The following ZNF609 variants were observed in gnomAD, a reference collection of about 807,000 sequenced individuals.
The protein encoded by ZNF609 is zinc finger protein 609.
ZNF609 carries 11 observed loss-of-function variants against 109.5 expected under a neutral mutation model. That is an observed-to-expected ratio of 0.10 (90% CI 0.06 to 0.17). ZNF609 has a LOEUF of 0.17. Among genes scored for constraint, ZNF609 ranks in the 10% least tolerant of loss-of-function variants. The probability of loss-of-function intolerance (pLI) is 1.00; values close to 1 mark genes in which losing one functional copy is unlikely to be tolerated. For missense variants in ZNF609, 1,559 were observed against 1,772.4 expected (o/e 0.88, Z 2.16); for synonymous variants, 646 against 662.0 (o/e 0.98, Z 0.37).
At chr15:64,472,769 C>T (rs1270698374) in intron 1 of ZNF609, among the ~76,000 whole-genome samples, 1 of 152,032 alleles carries the variant, frequency 6.6e-6, no homozygotes, top group Non-Finnish European at 1.5e-5. Context: ...ATCACTTGAG[C>T]TTGGGAGGTT....
chr15:64,592,870 G>A (rs893944815), intron 2 of ZNF609: 14 of 608,054 alleles, frequency 2.3e-5, no homozygotes, highest in Non-Finnish European at 3.2e-5. Flanking sequence ...CTGGGATCGC[G>A]CCACTGCACC....
chr15:64,592,433 C>T (rs987471702), intron 2 of ZNF609, among the ~76,000 whole-genome samples: 1 of 151,978 alleles, frequency 6.6e-6, no homozygotes, highest in African/African-American at 2.4e-5. Context: ...GAAAATTTAG[C>T]CAGCTCTGGT....
At chr15:64,596,570 C>T (rs1895402417) in intron 2 of ZNF609, among the ~76,000 whole-genome samples, 1 of 152,162 alleles carries the variant, frequency 6.6e-6, no homozygotes, top group Admixed American at 6.6e-5. Context: ...AGTTTAAATC[C>T]AGCCTTAGAG....
At chr15:64,528,920 G>GT in intron 2 of ZNF609, 1 of 1,185,918 alleles carries the variant, frequency 8.4e-7, no homozygotes, top group East Asian at 2.4e-5. Flanking sequence ...ATATTGGCAG[G>GT]TTTTTCCAGA....
intron 2 of ZNF609, among the ~76,000 whole-genome samples, chr15:64,616,812 CTTTTTTTTTTTTT>C (rs56338576): frequency 6.1e-5 from 2 of 32,832 alleles, no homozygotes; most frequent in Non-Finnish European, 9.6e-5. Context: ...AGCCACCATG[CTTTTTTTTTTTTT>C]TTTTTTTTTT....
At chr15:64,479,332 C>T (rs1893216779) in intron 1 of ZNF609, among the ~76,000 whole-genome samples, 1 of 109,154 alleles carries the variant, frequency 9.2e-6, no homozygotes, top group African/African-American at 3.6e-5. Context: ...CGCCCTGTTG[C>T]CCAGGCTGGA....
chr15:64,536,950 C>T (rs1383347103), intron 2 of ZNF609, among the ~76,000 whole-genome samples: 11 of 143,442 alleles, frequency 7.7e-5, no homozygotes, highest in South Asian at 2.2e-4. Context: ...AGGCCGGGCA[C>T]GGTGGCTCAC....
intron 2 of ZNF609, among the ~76,000 whole-genome samples, chr15:64,508,684 A>ATTTT (rs1160116983): frequency 2.3e-5 from 3 of 130,522 alleles, no homozygotes; most frequent in Non-Finnish European, 3.3e-5. Context: ...GACCCAGAAA[A>ATTTT]TTTTTTTTTT....
intron 1 of ZNF609, among the ~76,000 whole-genome samples, chr15:64,472,697 C>CA (rs1318470427): frequency 6.6e-6 from 1 of 152,148 alleles, no homozygotes; most frequent in Non-Finnish European, 1.5e-5. Context: ...CCCATCTCTA[C>CA]AAAAAATTTG....
chr15:64,674,796 A>G lies in ZNF609; in HGVS notation c.1942A>G (p.Ile648Val), dbSNP rs1460149782. The change falls in exon 5 of 10, where the codon ATT becomes GTT. Residue 648 changes from isoleucine to valine, a missense_variant. By Grantham distance (29) the Ile-to-Val change is conservative. Coordinates refer to ENST00000326648, the MANE Select transcript of ZNF609 (RefSeq NM_015042.2). ...ACCCTCTAGTTTAAAACCTGAAAAGATTCCTTCCAAGAGCCTAAAGTCAGC... is the reference window on the plus strand; with the variant it reads ...ACCCTCTAGTTTAAAACCTGAAAAGGTTCCTTCCAAGAGCCTAAAGTCAGC... Reference protein sequence around the residue: ...KKPSSLKPEKIPSKSLKSARP... With the variant: ...KKPSSLKPEKVPSKSLKSARP... 1 of 1,614,078 alleles carries G rather than the reference A, an allele frequency of 6.2e-7. No individual in the cohort carries two copies. Among genetic ancestry groups the G allele is most frequent in the South Asian group, 1.1e-5 (1 of 91,084 alleles).
intron 2 of ZNF609, among the ~76,000 whole-genome samples, chr15:64,576,927 T>A (rs1194946030): frequency 2.2e-5 from 3 of 133,488 alleles, no homozygotes; most frequent in Non-Finnish European, 5.0e-5. Flanking sequence ...CATATATGTG[T>A]ATATATACAT....
chr15:64,561,070 C>T (rs1415698791), intron 2 of ZNF609, among the ~76,000 whole-genome samples: 1 of 152,288 alleles, frequency 6.6e-6, no homozygotes, highest in Non-Finnish European at 1.5e-5. Flanking sequence ...TCATATACCA[C>T]CCACATAGGC....
chr15:64,587,631 AG>A (rs1288877476), intron 2 of ZNF609, among the ~76,000 whole-genome samples: 8 of 152,190 alleles, frequency 5.3e-5, no homozygotes, highest in African/African-American at 1.4e-4. Context: ...TCCTGTGGTC[AG>A]GCACAGCACT....
At chr15:64,644,861 A>T (rs905569673) in intron 3 of ZNF609, among the ~76,000 whole-genome samples, 1 of 152,256 alleles carries the variant, frequency 6.6e-6, no homozygotes, top group East Asian at 1.9e-4. Context: ...ATGAATGCTT[A>T]AAACAGACTT....
chr15:64,519,489 C>T (rs150206501), intron 2 of ZNF609, among the ~76,000 whole-genome samples: 4 of 152,200 alleles, frequency 2.6e-5, no homozygotes, highest in African/African-American at 9.6e-5. Context: ...AAACCCACAG[C>T]TGGGAACATA....
rs555257679 is a variant in ZNF609, at chr15:64,479,193, T to A, written c.-128+18355T>A. On this transcript the variant is annotated intron_variant, in intron 1 of 9. Coordinates refer to ENST00000326648, the MANE Select transcript of ZNF609 (RefSeq NM_015042.2). ...TGGAGCCTTTCCATAAGAAAGAAAT[T>A]CAGTTATAACAAGGTCACATTTGGG... Among the ~76,000 whole-genome samples the A allele has an allele frequency of 2.0e-5, 3 of 151,974 alleles. No individual in the cohort carries two copies. The South Asian group carries it at 6.2e-4, about 32-fold the overall frequency.
chr15:64,491,690 T>C (rs539226232), intron 1 of ZNF609, among the ~76,000 whole-genome samples: 1 of 151,532 alleles, frequency 6.6e-6, no homozygotes, highest in Admixed American at 6.6e-5. Flanking sequence ...CTCTCAAAAA[T>C]AAAAAAATTA....
intron 1 of ZNF609, among the ~76,000 whole-genome samples, chr15:64,465,174 C>T (rs1892997003): frequency 6.6e-6 from 1 of 152,078 alleles, no homozygotes; most frequent in African/African-American, 2.4e-5. Flanking sequence ...GAGAAAATTT[C>T]TTGCTTTCAG....
At chr15:64,609,472 C>T (rs1259958422) in intron 2 of ZNF609, among the ~76,000 whole-genome samples, 9 of 150,706 alleles carry the variant, frequency 6.0e-5, no homozygotes, top group Admixed American at 3.3e-4. Flanking sequence ...TGAGCCACCG[C>T]GCCCGGCCGT....
Sources: gnomAD v4.1 joint callset for allele counts (sites outside exome capture counted in the v4.1 genomes callset) on GRCh38, gnomAD v4.1.1 for gene constraint, MANE v1.5 for transcripts, NCBI Gene and HGNC (gene_info 2026-07-23, HGNC 2026-07-21) for gene names.